NFAT5: variants seen among roughly 807,000 people sequenced by gnomAD.
NFAT5 encodes nuclear factor of activated T cells 5.
NFAT5 carries 31 observed loss-of-function variants against 166.5 expected under a neutral mutation model. That is an observed-to-expected ratio of 0.19 (90% CI 0.14 to 0.25). The LOEUF is 0.25. Among genes scored for constraint, NFAT5 ranks in the 10% least tolerant of loss-of-function variants. NFAT5 has a pLI of 1.00. For synonymous variants in NFAT5, 612 were observed against 639.7 expected, an observed-to-expected ratio of 0.96 and a Z score of 0.65; for missense variants, 1,449 against 1,821.8, an observed-to-expected ratio of 0.80 and a Z score of 3.72.
chr16:69,625,004 AT>A (rs913200736), intron 2 of NFAT5, among the ~76,000 whole-genome samples: 1 of 151,662 alleles, frequency 6.6e-6, no homozygotes, highest in African/African-American at 2.4e-5. Context: ...GGTTCAAGTG[AT>A]TCTCCTGCTT....
rs2033935624 is a variant in NFAT5, at chr16:69,616,189, CCTT to C, written c.128-10213_128-10211del. Among the ~76,000 whole-genome samples the C allele has an allele frequency of 2.0e-5, 3 of 152,220 alleles. No homozygotes were observed. In the South Asian group the frequency reaches 6.2e-4, roughly 32 times the overall value. ...GGCAACCCTTCTACACAGATGCCCT[CCTT>C]ATTCAGCTCAGGCTCCAAGGCCTCA... On this transcript the variant is annotated intron_variant, in intron 2 of 14. Coordinates refer to ENST00000349945, the MANE Select transcript of NFAT5 (RefSeq NM_138713.4).
intron 7 of NFAT5, among the ~76,000 whole-genome samples, chr16:69,662,450 C>CT (rs539200298): frequency 0.019 from 1,819 of 96,964 alleles, 25 homozygotes; most frequent in Non-Finnish European, 0.022. Context: ...ACACCTCTTT[C>CT]TTTTTTTTTT....
chr16:69,627,026 G>T (rs1055386529), intron 3 of NFAT5, among the ~76,000 whole-genome samples: 1 of 151,798 alleles, frequency 6.6e-6, no homozygotes, highest in East Asian at 1.9e-4. Context: ...TTTATTGAAA[G>T]TAATGGAGGA....
intron 2 of NFAT5, among the ~76,000 whole-genome samples, chr16:69,574,982 T>C (rs1262535975): frequency 1.3e-5 from 2 of 152,046 alleles, no homozygotes; most frequent in Non-Finnish European, 2.9e-5. Context: ...CATTCTCTTT[T>C]ATTTTTAACA....
intron 2 of NFAT5, among the ~76,000 whole-genome samples, chr16:69,600,722 A>G (rs1261166306): frequency 2.1e-5 from 3 of 143,168 alleles, no homozygotes; most frequent in Non-Finnish European, 4.5e-5. Context: ...GAGAATCATC[A>G]TGAGGAACTG....
At chr16:69,664,951 T>C (rs999571952) in intron 7 of NFAT5, among the ~76,000 whole-genome samples, 1 of 152,138 alleles carries the variant, frequency 6.6e-6, no homozygotes, top group Non-Finnish European at 1.5e-5. Context: ...TGCTTGAACC[T>C]GGGAGGTGGA....
rs1301951825 is a variant in NFAT5, at chr16:69,568,493, A to G, written c.74-2A>G. ...GTACCTAATGCTTTTTGTGTTTTTC[A>G]GATTCTCTGAAGTTACACCCATCAC... is the stretch of plus-strand genomic sequence containing the variant. On this transcript the variant is annotated splice_acceptor_variant, in intron 1 of 14. Coordinates refer to ENST00000349945, the MANE Select transcript of NFAT5 (RefSeq NM_138713.4). LOFTEE classifies it high-confidence loss of function. The G allele has an allele frequency of 6.2e-7, 1 of 1,611,512 alleles. No individual in the cohort carries two copies. The highest frequency in any genetic ancestry group is 1.7e-5 in the Admixed American group (1 of 59,590).
intron 2 of NFAT5, among the ~76,000 whole-genome samples, chr16:69,594,200 C>T (rs747377235): frequency 4.0e-4 from 61 of 152,328 alleles, no homozygotes; most frequent in Admixed American, 2.7e-3. Context: ...TGTACTTACA[C>T]AAACCTATGT....
chr16:69,673,371 T>C (rs2036701147), intron 9 of NFAT5, among the ~76,000 whole-genome samples: 1 of 152,000 alleles, frequency 6.6e-6, no homozygotes, highest in Non-Finnish European at 1.5e-5. Flanking sequence ...TCCTAGAGAA[T>C]TGATTCTAGA....
chr16:69,604,726 C>A (rs1349305226), intron 2 of NFAT5, among the ~76,000 whole-genome samples: 1 of 152,188 alleles, frequency 6.6e-6, no homozygotes, highest in Non-Finnish European at 1.5e-5. Flanking sequence ...CATCTTCAAT[C>A]TCCCCTGCCC....
chr16:69,630,413 C>T (rs900590830), intron 3 of NFAT5, among the ~76,000 whole-genome samples: 3 of 152,112 alleles, frequency 2.0e-5, no homozygotes, highest in Non-Finnish European at 4.4e-5. Context: ...TCAAGCAGTT[C>T]TCCTACCTTG....
intron 2 of NFAT5, among the ~76,000 whole-genome samples, chr16:69,607,584 C>A (rs572245292): frequency 6.6e-6 from 1 of 152,274 alleles, no homozygotes; most frequent in African/African-American, 2.4e-5. Flanking sequence ...GTAATTGGCC[C>A]TTTAAAGATA....
chr16:69,616,377 C>T (rs1030801166), intron 2 of NFAT5, among the ~76,000 whole-genome samples: 8 of 151,992 alleles, frequency 5.3e-5, no homozygotes, highest in African/African-American at 1.7e-4. Flanking sequence ...GTTATGATAC[C>T]CTCTGTTGGT....
intron 7 of NFAT5, among the ~76,000 whole-genome samples, chr16:69,663,325 A>T (rs1276564573): frequency 6.6e-6 from 1 of 152,194 alleles, no homozygotes; most frequent in Admixed American, 6.5e-5. Context: ...GGGATAGAAG[A>T]TCATCCCTTT....
At chr16:69,635,975 C>G (rs867931930) in intron 3 of NFAT5, among the ~76,000 whole-genome samples, 18 of 152,264 alleles carry the variant, frequency 1.2e-4, no homozygotes, top group Admixed American at 3.3e-4. Flanking sequence ...AAAGTCTCAT[C>G]TGAGACAAGG....
chr16:69,691,134 T>A, intron 12 of NFAT5, 46 bp downstream of exon 12: 1 of 1,423,802 alleles, frequency 7.0e-7, no homozygotes, highest in Non-Finnish European at 9.3e-7. Flanking sequence ...TAAAAATTGC[T>A]GTCTTTTACT....
At chr16:69,685,571 G>T in intron 11 of NFAT5, 1 of 151,526 alleles carries the variant, frequency 6.6e-6, no homozygotes, top group Non-Finnish European at 1.5e-5. Context: ...AGTGAAATAA[G>T]GCCAGGCACG....
chr16:69,633,374 A>C (rs1292294411), intron 3 of NFAT5, among the ~76,000 whole-genome samples: 1 of 152,232 alleles, frequency 6.6e-6, no homozygotes, highest in African/African-American at 2.4e-5. Context: ...AAATTAATGC[A>C]TAGAAGTGGA....
In NFAT5 at chr16:69,659,890, A is replaced by G. The variant is rs745394749; in HGVS notation, c.1360A>G (p.Ile454Val). 6.2e-6 allele frequency: 10 copies of G among 1,604,108 alleles called. No individual in the cohort carries two copies. The highest frequency in any genetic ancestry group is 7.7e-6 in the Non-Finnish European group (9 of 1,174,602). ...GACACTGCAAACACCCTCTTCTCCA[A>G]TTTTGTGTAGTAAGTAAGAAGATAC... is the stretch of plus-strand genomic sequence containing the variant. ...TLTLQTPSSP[I>V]LCTQPAGVPE... The change falls in exon 7 of 15, where the codon ATT becomes GTT. Residue 454 changes from isoleucine to valine, a missense_variant. Physicochemically the swap from Ile to Val is conservative, Grantham distance 29 (BLOSUM62 3). Around this residue, in one of 7 missense-constraint regions of NFAT5, gnomAD observed 245 missense variants for 366.6 expected, o/e 0.67. Coordinates refer to ENST00000349945, the MANE Select transcript of NFAT5 (RefSeq NM_138713.4).
Sources: allele counts gnomAD v4.1 joint callset (sites outside exome capture counted in the v4.1 genomes callset), GRCh38; gene constraint gnomAD v4.1.1; regional missense constraint gnomAD v4.1.1; transcripts MANE v1.5; gene names NCBI Gene and HGNC (gene_info 2026-07-23, HGNC 2026-07-21).